The following IGSF5 variants were observed in gnomAD, a reference collection of about 807,000 sequenced individuals.
IGSF5 encodes the protein immunoglobulin superfamily member 5.
In IGSF5, 41 loss-of-function variants were observed where a neutral mutation model predicts 39.4. The observed-to-expected ratio is 1.04, with a 90% CI of 0.81 to 1.35. The LOEUF (loss-of-function observed/expected upper bound fraction) is 1.35. IGSF5 is among the 40% of genes most tolerant of loss of function. The pLI is 0.00. For missense variants in IGSF5, 487 were observed against 494.6 expected, an observed-to-expected ratio of 0.98 and a Z score of 0.15; for synonymous variants, 183 against 175.3, an observed-to-expected ratio of 1.04 and a Z score of -0.34.
chr21:39,741,944 G>A (rs62235512), upstream of IGSF5, among the ~76,000 whole-genome samples: 8,063 of 151,996 alleles, frequency 0.053, 326 homozygotes, highest in East Asian at 0.21. Context: ...TTGGAGTATT[G>A]CAGGGGCTAC....
chr21:39,746,216 G>T lies in IGSF5; in HGVS notation c.18G>T (p.Arg6Ser), dbSNP rs768999676. 2.8e-6 allele frequency: 2 copies of T among 701,882 alleles called. No individual in the cohort carries two copies. The highest frequency in any genetic ancestry group is 5.2e-6 in the Non-Finnish European group (2 of 384,768). The allele number at this position is 701,882 out of a possible 1,614,324, so 43.5% of individuals were successfully genotyped here. Residue 6 changes from arginine to serine, a missense_variant and splice_region_variant, in exon 2 of 9, where the codon AGG becomes AGT. Arg to Ser is a moderately radical substitution (Grantham distance 110). Transcript: ENST00000380588. ...GGCAATGGGCGCCTCACTGGATCAGGAGCACAGCAGATACTCTGCCGGATC... is the reference window on the plus strand; with the variant it reads ...GGCAATGGGCGCCTCACTGGATCAGTAGCACAGCAGATACTCTGCCGGATC... MGQKERSTADTLPDLE... is the reference protein window; with the variant it reads MGQKESSTADTLPDLE...
intron 3 of IGSF5, among the ~76,000 whole-genome samples, chr21:39,767,491 T>C (rs1392732059): frequency 6.6e-6 from 1 of 152,210 alleles, no homozygotes; most frequent in Non-Finnish European, 1.5e-5. Context: ...TTAATGACTT[T>C]GAGTCCTAGT....
intron 6 of IGSF5, among the ~76,000 whole-genome samples, chr21:39,789,682 G>A (rs2086949909): frequency 6.6e-6 from 1 of 151,898 alleles, no homozygotes; most frequent in Non-Finnish European, 1.5e-5. Flanking sequence ...ATAAAGATAG[G>A]CACAAGAAAT....
chr21:39,752,024 T>C (rs2080008229), intron 2 of IGSF5, among the ~76,000 whole-genome samples: 1 of 152,312 alleles, frequency 6.6e-6, no homozygotes, highest in South Asian at 2.1e-4. Context: ...TTCTTTACTT[T>C]TAAAAAATTT....
chr21:39,773,478 C>CTTTTTTTTCCT (rs1555943412), intron 4 of IGSF5, among the ~76,000 whole-genome samples: 5 of 143,852 alleles, frequency 3.5e-5, no homozygotes, highest in Admixed American at 6.8e-5. Context: ...TCTTCCTTTT[C>CTTTTTTTTCCT]TTTTTTTTTC....
intron 6 of IGSF5, among the ~76,000 whole-genome samples, chr21:39,791,148 T>C (rs1449299232): frequency 2.0e-5 from 3 of 152,144 alleles, no homozygotes; most frequent in African/African-American, 2.4e-5. Context: ...GCCACATTTT[T>C]CCAAAGAAGG....
At chr21:39,727,624 T>C in the IGSF5 span, 1 of 152,350 alleles carries the variant, frequency 6.6e-6, no homozygotes, top group African/African-American at 2.4e-5. Context: ...AGGAGGGAGA[T>C]GACACGTCCC....
chr21:39,722,486 A>G, the IGSF5 span: 2 of 152,292 alleles, frequency 1.3e-5, no homozygotes, highest in South Asian at 4.1e-4. Flanking sequence ...CAGTTTTAGG[A>G]TGAAGCTTCT....
the IGSF5 span, among the ~76,000 whole-genome samples, chr21:39,723,771 TA>T: frequency 6.6e-6 from 1 of 152,190 alleles, no homozygotes; most frequent in African/African-American, 2.4e-5. Context: ...ATCTTCTTTG[TA>T]AAAAAATATG....
the IGSF5 span, chr21:39,729,076 G>T: frequency 6.6e-6 from 1 of 152,158 alleles, no homozygotes; most frequent in African/African-American, 2.4e-5. Context: ...TGGCTGCTGT[G>T]ACAAAGACCA....
At chr21:39,768,595 G>A (rs1046517085) in intron 3 of IGSF5, among the ~76,000 whole-genome samples, 6 of 152,200 alleles carry the variant, frequency 3.9e-5, no homozygotes, top group Non-Finnish European at 7.3e-5. Context: ...TTTGAGGGCT[G>A]CAAGGACTTG....
intron 8 of IGSF5, among the ~76,000 whole-genome samples, chr21:39,795,814 G>A (rs995020255): frequency 5.3e-5 from 8 of 152,110 alleles, no homozygotes; most frequent in Admixed American, 1.3e-4. Flanking sequence ...AGGGTTTGTC[G>A]TCTTCTAGGG....
intron 2 of IGSF5, among the ~76,000 whole-genome samples, chr21:39,762,287 A>G (rs2080065328): frequency 6.6e-6 from 1 of 152,224 alleles, no homozygotes; most frequent in South Asian, 2.1e-4. Flanking sequence ...GACAGTGCCC[A>G]AGGTGATCAG....
the IGSF5 span, among the ~76,000 whole-genome samples, chr21:39,728,625 G>T: frequency 6.6e-6 from 1 of 152,136 alleles, no homozygotes; most frequent in African/African-American, 2.4e-5. Flanking sequence ...CTCCCGGGGT[G>T]ACCTCTCCAA....
chr21:39,715,970 A>G, the IGSF5 span, among the ~76,000 whole-genome samples: 2 of 152,178 alleles, frequency 1.3e-5, no homozygotes, highest in Non-Finnish European at 2.9e-5. Context: ...CTCATTCAGT[A>G]TATCACCCTG....
At chr21:39,775,788 C>T (rs1436748361) in intron 4 of IGSF5, among the ~76,000 whole-genome samples, 5 of 152,188 alleles carry the variant, frequency 3.3e-5, no homozygotes, top group African/African-American at 1.2e-4. Flanking sequence ...GAGCCAGACA[C>T]ACCCACACCC....
chr21:39,801,120 A>G (rs774688585), intron 8 of IGSF5, 142 bp from the exon 9 acceptor site: 16 of 631,836 alleles, frequency 2.5e-5, no homozygotes, highest in Non-Finnish European at 4.2e-5. Flanking sequence ...ATAATGCAAG[A>G]AAGGAAGAGC....
At chr21:39,732,253 A>C in the IGSF5 span, among the ~76,000 whole-genome samples, 1 of 152,148 alleles carries the variant, frequency 6.6e-6, no homozygotes. Flanking sequence ...TGAAATCACT[A>C]ATTTTTGGGG....
chr21:39,797,812 C>T (rs1319452525), intron 8 of IGSF5, among the ~76,000 whole-genome samples: 1 of 152,202 alleles, frequency 6.6e-6, no homozygotes, highest in Non-Finnish European at 1.5e-5. Flanking sequence ...TGAGCCACTG[C>T]ACCTGACCCC....
Sources: allele counts gnomAD v4.1 joint callset (sites outside exome capture counted in the v4.1 genomes callset), GRCh38; gene constraint gnomAD v4.1.1; transcripts MANE v1.5; gene names NCBI Gene and HGNC (gene_info 2026-07-23, HGNC 2026-07-21).